Variants in CECR2 observed in about 807,000 individuals in gnomAD.
The protein encoded by CECR2 is chromatin remodeling regulator CECR2.
CECR2 carries 30 observed loss-of-function variants against 154.5 expected under a neutral mutation model. The observed-to-expected ratio is 0.19, with a 90% CI of 0.15 to 0.26. CECR2 has a LOEUF of 0.26. CECR2 is among the 10% of genes least tolerant of loss of function. The pLI is 1.00. For synonymous variants in CECR2, 725 were observed against 683.7 expected (o/e 1.06, Z -0.94); for missense variants, 1,743 against 1,829.3 (o/e 0.95, Z 0.86).
chr22:17,513,026 G>GT (rs1035034272), intron 8 of CECR2, among the ~76,000 whole-genome samples: 7 of 152,106 alleles, frequency 4.6e-5, no homozygotes, highest in Non-Finnish European at 1.5e-5. Flanking sequence ...AGAATATTTG[G>GT]TGCAACCACT....
At chr22:17,477,090 T>G (rs201986269) in intron 1 of CECR2, 2 of 719,190 alleles carry the variant, frequency 2.8e-6, no homozygotes, top group Non-Finnish European at 5.2e-6. Context: ...TCATTATCAC[T>G]TACTAACAAA....
chr22:17,506,803 G>A (rs748810961), intron 7 of CECR2, among the ~76,000 whole-genome samples: 35 of 152,064 alleles, frequency 2.3e-4, no homozygotes, highest in Non-Finnish European at 3.2e-4. Flanking sequence ...ATAGGCGTGC[G>A]CCACCATGCC....
intron 10 of CECR2, among the ~76,000 whole-genome samples, chr22:17,537,752 G>A (rs1226937478): frequency 6.6e-6 from 1 of 152,146 alleles, no homozygotes; most frequent in Non-Finnish European, 1.5e-5. Context: ...CAGCACTTTG[G>A]GAGGCTGAGG....
intron 1 of CECR2, among the ~76,000 whole-genome samples, chr22:17,404,642 G>C (rs1296434393): frequency 6.6e-6 from 1 of 151,114 alleles, no homozygotes; most frequent in African/African-American, 2.4e-5. Flanking sequence ...CAAAGTGCTG[G>C]GATTACAGGC....
chr22:17,418,330 G>A (rs1299672723), intron 1 of CECR2, among the ~76,000 whole-genome samples: 2 of 152,100 alleles, frequency 1.3e-5, no homozygotes, highest in Non-Finnish European at 1.5e-5. Context: ...CCCAGTAATT[G>A]TGCATCCTCA....
rs60474818 is a variant in CECR2 at position 17,428,798 on chromosome 22, TTGTGTG to T, written c.127-48766_127-48761del. ...CAGATGAGAAAAATAATGTTTTTAT[TTGTGTG>T]TGTGTGTGTGTGTGTGTGTGTGTAT... On this transcript the variant is annotated intron_variant, in intron 1 of 18. Coordinates refer to ENST00000262608, the MANE Select transcript of CECR2 (RefSeq NM_001290047.2). Among the ~76,000 whole-genome samples the T allele has an allele frequency of 1.8e-3, 245 of 136,418 alleles. 5 individuals carry two copies. The East Asian group carries it at 0.047, about 26-fold the overall frequency. The allele number at this position is 136,418 out of a possible 152,430, so 89.5% of individuals were successfully genotyped here.
At chr22:17,369,443 C>T (rs1433230820), upstream of CECR2, 6 of 151,314 alleles carry the variant, frequency 4.0e-5, no homozygotes, top group African/African-American at 1.2e-4. Context: ...GCGTCCGGCC[C>T]CTCCGCCCCT....
At chr22:17,390,650 G>T (rs187499747) in intron 1 of CECR2, among the ~76,000 whole-genome samples, 2,589 of 151,996 alleles carry the variant, frequency 0.017, 65 homozygotes, top group African/African-American at 0.058. Flanking sequence ...GTTTTGTTTT[G>T]TTTTTTGAGA....
At chr22:17,360,851 C>G (rs1480439395) in intron 1 of CECR2, among the ~76,000 whole-genome samples, 1 of 128,160 alleles carries the variant, frequency 7.8e-6, no homozygotes, top group Non-Finnish European at 1.9e-5. Context: ...CTCAAACAAA[C>G]AAACAAACAA....
intron 1 of CECR2, among the ~76,000 whole-genome samples, chr22:17,404,773 A>G (rs1195879926): frequency 6.6e-6 from 1 of 152,190 alleles, no homozygotes; most frequent in Non-Finnish European, 1.5e-5. Context: ...AAATCAAATA[A>G]TGTTAGTCCT....
chr22:17,383,426 G>C (rs1027260565), intron 1 of CECR2, among the ~76,000 whole-genome samples: 1 of 152,120 alleles, frequency 6.6e-6, no homozygotes, highest in African/African-American at 2.4e-5. Context: ...TGCTTTATCA[G>C]CTTGGTTTAG....
chr22:17,496,263 C>T lies in CECR2; in HGVS notation c.222-1140C>T, dbSNP rs147964954. 4.8e-3 allele frequency among the ~76,000 whole-genome samples: 724 copies of T among 152,062 alleles called. 5 individuals carry two copies. The highest frequency in any genetic ancestry group is 0.016 in the African/African-American group (675 of 41,474). On this transcript the variant is annotated intron_variant, in intron 2 of 18. Coordinates refer to ENST00000262608, the MANE Select transcript of CECR2 (RefSeq NM_001290047.2). Reference sequence around the variant, plus strand: ...CTGTAATCCCAGCACTTTGTGAGGACGAGGCGGGTGGATCACGAGGTCAGG... The same window carrying T: ...CTGTAATCCCAGCACTTTGTGAGGATGAGGCGGGTGGATCACGAGGTCAGG...
intron 1 of CECR2, among the ~76,000 whole-genome samples, chr22:17,456,164 T>C (rs947795902): frequency 1.3e-5 from 2 of 152,248 alleles, no homozygotes; most frequent in African/African-American, 4.8e-5. Context: ...CACTGAATAG[T>C]CTACTGTTGT....
intron 1 of CECR2, among the ~76,000 whole-genome samples, chr22:17,364,365 AT>A (rs2062991307): frequency 6.6e-6 from 1 of 150,908 alleles, no homozygotes; most frequent in African/African-American, 2.4e-5. Flanking sequence ...AAAAAAAAGA[AT>A]TTGTGCCATA....
chr22:17,498,331 C>T (rs1414680835), intron 3 of CECR2, among the ~76,000 whole-genome samples: 1 of 151,446 alleles, frequency 6.6e-6, no homozygotes, highest in African/African-American at 2.4e-5. Flanking sequence ...GCGGAGCTTG[C>T]AGTGAGCCGA....
intron 1 of CECR2, among the ~76,000 whole-genome samples, chr22:17,381,053 C>T (rs776479684): frequency 1.7e-5 from 2 of 114,930 alleles, no homozygotes; most frequent in Admixed American, 2.7e-4. Flanking sequence ...ATTTTTATAG[C>T]AGAGGCCTGG....
chr22:17,507,506 A>T (rs898645695), intron 7 of CECR2, among the ~76,000 whole-genome samples: 5 of 152,224 alleles, frequency 3.3e-5, no homozygotes, highest in African/African-American at 1.2e-4. Flanking sequence ...ACATTAAATT[A>T]TCTGGAAATA....
At chr22:17,545,324 G>A (rs1204548317) in intron 16 of CECR2, among the ~76,000 whole-genome samples, 2 of 125,808 alleles carry the variant, frequency 1.6e-5, no homozygotes, top group Non-Finnish European at 3.1e-5. Context: ...GCAGTGAGCC[G>A]AGATCACGCC....
At chr22:17,444,424 C>G (rs543962729) in intron 1 of CECR2, among the ~76,000 whole-genome samples, 2 of 152,016 alleles carry the variant, frequency 1.3e-5, no homozygotes, top group Admixed American at 1.3e-4. Context: ...GTCAGGAGTC[C>G]GAGACCAGCC....
Sources: allele counts gnomAD v4.1 joint callset (sites outside exome capture counted in the v4.1 genomes callset), GRCh38; gene constraint gnomAD v4.1.1; transcripts MANE v1.5; gene names NCBI Gene and HGNC (gene_info 2026-07-23, HGNC 2026-07-21).